LAMC3: variants seen among roughly 807,000 people sequenced by gnomAD.
The protein encoded by LAMC3 is laminin subunit gamma-3.
LAMC3 carries 128 observed loss-of-function variants against 173.8 expected under a neutral mutation model. The observed-to-expected ratio is 0.74, with a 90% confidence interval of 0.64 to 0.85. LAMC3 has a LOEUF of 0.85. Among genes scored for constraint, LAMC3 ranks in the 40% least tolerant of loss-of-function variants. The pLI, the probability that LAMC3 is intolerant of heterozygous loss-of-function variation, is 0.00. For missense variants in LAMC3, 2,022 were observed against 2,156.0 expected (o/e 0.94, Z 1.23); for synonymous variants, 897 against 909.1 (o/e 0.99, Z 0.24).
chr9:131,048,493 C>A (rs565983227), intron 8 of LAMC3, among the ~76,000 whole-genome samples: 3 of 152,112 alleles, frequency 2.0e-5, no homozygotes, highest in Non-Finnish European at 4.4e-5. Context: ...CCTCATTGCC[C>A]GCTACCCCCT....
chr9:131,078,605 G>A (rs1830176097), intron 22 of LAMC3, among the ~76,000 whole-genome samples: 1 of 152,236 alleles, frequency 6.6e-6, no homozygotes, highest in South Asian at 2.1e-4. Context: ...CACTGCGTGC[G>A]GAGAGTAATG....
Position 131,066,980 on chromosome 9 carries a change from G to C in LAMC3, c.2368G>C (p.Asp790His). 6.2e-7 allele frequency: 1 copy of C among 1,613,984 alleles called. No individual in the cohort carries two copies. The highest frequency in any genetic ancestry group is 8.5e-7 in the Non-Finnish European group (1 of 1,180,036). ...GQRGRRCEVC[D>H]DGFFGDPLGL... ...CACAGGGCGGCGCTGTGAGGTCTGT[G>C]ATGATGGCTTTTTTGGGGACCCGCT... Residue 790 changes from aspartate (D) to histidine (H), a missense_variant, in exon 14 of 28, where the codon GAT (aspartate) becomes CAT (histidine). Transcript: ENST00000361069.
chr9:131,049,673 A>G (rs1834243224), intron 9 of LAMC3, among the ~76,000 whole-genome samples: 1 of 152,116 alleles, frequency 6.6e-6, no homozygotes, highest in Non-Finnish European at 1.5e-5. Flanking sequence ...TTTTCTGGTC[A>G]TAGCTTTGTC....
chr9:131,060,891 C>A, intron 12 of LAMC3, 144 bp from the exon 13 acceptor site: 1 of 795,730 alleles, frequency 1.3e-6, no homozygotes. Context: ...CCTGGACCCT[C>A]AATCCCCAGG....
chr9:131,047,226 G>A (rs1413328137), intron 8 of LAMC3, among the ~76,000 whole-genome samples: 2 of 109,302 alleles, frequency 1.8e-5, no homozygotes, highest in Admixed American at 9.1e-5. Flanking sequence ...GTGCAATGGC[G>A]TGATCTCAGC....
At chr9:131,049,268 C>T (rs1233307705) in intron 9 of LAMC3, 138 bp downstream of exon 9, 10 of 696,400 alleles carry the variant, frequency 1.4e-5, no homozygotes, top group Non-Finnish European at 2.7e-5. Context: ...ATAGGTCTCT[C>T]GGAGCTAACA....
chr9:131,078,940 A>G (rs1270252005), intron 22 of LAMC3, among the ~76,000 whole-genome samples: 2 of 152,278 alleles, frequency 1.3e-5, no homozygotes, highest in African/African-American at 4.8e-5. Flanking sequence ...GGTCCACACA[A>G]AGCCTGACCC....
rs201283727 is a variant in LAMC3, at chr9:131,061,204, C to G, written c.2328C>G (p.His776Gln). The change falls in exon 13 of 28, where the codon CAC becomes CAG. Residue 776 changes from histidine to glutamine, a missense_variant. His to Gln is a conservative substitution (Grantham distance 24). Transcript: ENST00000361069. Reference sequence around the variant, plus strand: ...AGAGCCGGGAGGTGGTGTGTACCCACTGCCCCCCGGGCCAGAGAGGTAAGT... The same window carrying G: ...AGAGCCGGGAGGTGGTGTGTACCCAGTGCCCCCCGGGCCAGAGAGGTAAGT... ...IPESREVVCT[H>Q]CPPGQRGRRC... The G allele has an allele frequency of 6.2e-7, 1 of 1,608,562 alleles. No individual in the cohort carries two copies. The highest frequency in any genetic ancestry group is 1.3e-5 in the African/African-American group (1 of 75,050).
intron 18 of LAMC3, 139 bp downstream of exon 18, chr9:131,071,764 T>C: frequency 1.3e-6 from 1 of 772,376 alleles, no homozygotes; most frequent in Non-Finnish European, 2.0e-6. Context: ...AGCCCACCTG[T>C]AACTTTATTA....
intron 13 of LAMC3, among the ~76,000 whole-genome samples, chr9:131,063,041 A>G (rs964257424): frequency 6.6e-6 from 1 of 152,160 alleles, no homozygotes; most frequent in African/African-American, 2.4e-5. Flanking sequence ...ATGCAGTGTA[A>G]TGTTTTTAAG....
At chr9:131,068,368 A>G in intron 15 of LAMC3, 137 bp downstream of exon 15, 1 of 842,138 alleles carries the variant, frequency 1.2e-6, no homozygotes, top group East Asian at 2.7e-5. Context: ...CCTTTGCCGA[A>G]GGGGAGCAAA....
intron 23 of LAMC3, 44 bp from the exon 24 acceptor site, chr9:131,082,015 C>T (rs764894419): frequency 6.6e-7 from 1 of 1,504,806 alleles, no homozygotes; most frequent in South Asian, 1.1e-5. Flanking sequence ...CTGGGCCCTG[C>T]TCCTGTGGAG....
At chr9:131,081,025 C>T (rs1321714863) in intron 23 of LAMC3, among the ~76,000 whole-genome samples, 1 of 152,236 alleles carries the variant, frequency 6.6e-6, no homozygotes, top group Non-Finnish European at 1.5e-5. Flanking sequence ...TTCTCACCAC[C>T]CCTAACTCCA....
Position 131,077,313 on chromosome 9 carries a change from G to A in LAMC3, c.3756G>A (p.Leu1252=). ...CAGATACAGCCCCGTACCTGGCCTT[G>A]CTGGCTTCCCCGGGAGCTCTGGTCA... ...VGADTAPYLA[L]LASPGALPQK... Residue 1252 remains leucine (L), a synonymous_variant, in exon 22 of 28, where the codon TTG becomes TTA. Transcript: ENST00000361069. The A allele has an allele frequency of 6.2e-7, 1 of 1,613,946 alleles. No individual in the cohort carries two copies. Among genetic ancestry groups the A allele is most frequent in the Non-Finnish European group, 8.5e-7 (1 of 1,180,042 alleles).
rs200910865 is a variant in LAMC3 at position 131,069,816 on chromosome 9, A to G, written c.3035A>G (p.Gln1012Arg). The G allele has an allele frequency of 6.3e-7, 1 of 1,594,646 alleles. No homozygotes were observed. The highest frequency in any genetic ancestry group is 2.3e-5 in the East Asian group (1 of 44,214). The change falls in exon 17 of 28, where the codon CAA (glutamine) becomes CGA (arginine). Residue 1012 changes from glutamine to arginine, a missense_variant. By Grantham distance (43) the Gln-to-Arg change is conservative. Coordinates refer to ENST00000361069, the MANE Select transcript of LAMC3 (RefSeq NM_006059.4). ...ACGGCAGACGGCACACACTGCCAGC[A>G]ATGTCCGTCCTGCTACGCCCTGGTG... ...FLTADGTHCQ[Q>R]CPSCYALVKE...
chr9:131,015,641 A>G (rs1215388588), intron 1 of LAMC3, among the ~76,000 whole-genome samples: 2 of 152,164 alleles, frequency 1.3e-5, no homozygotes, highest in African/African-American at 4.8e-5. Flanking sequence ...CCCTGTGTGC[A>G]TAGCAGCATT....
In LAMC3 at chr9:131,093,209, T is replaced by A. The variant is rs1355138764; in HGVS notation, c.*1422T>A. 1 of 152,208 alleles carries A rather than the reference T, an allele frequency of 6.6e-6. No individual in the cohort carries two copies. Among genetic ancestry groups the A allele is most frequent in the African/African-American group, 2.4e-5 (1 of 41,374 alleles). 9.4% of individuals were successfully genotyped at this position (152,208 alleles called of 1,614,324 possible). ...CCGAGCTCGTGGCTGGGCCAGTACC[T>A]CCCATTAGAGGGCTTTGCTGGGGTT... On this transcript the variant is annotated 3_prime_UTR_variant, in exon 28 of 28. Transcript: ENST00000361069.
At chr9:131,082,588 G>T (rs2133345266) in intron 24 of LAMC3, among the ~76,000 whole-genome samples, 1 of 152,332 alleles carries the variant, frequency 6.6e-6, no homozygotes, top group East Asian at 1.9e-4. Flanking sequence ...TGCCAGTCTA[G>T]TGCCCCCATT....
chr9:131,020,841 T>C (rs904377552), intron 1 of LAMC3, among the ~76,000 whole-genome samples: 20 of 152,116 alleles, frequency 1.3e-4, no homozygotes, highest in Middle Eastern at 3.4e-3. Flanking sequence ...CCTTTATTTT[T>C]CCCCCCCAAA....
Sources: allele counts gnomAD v4.1 joint callset (sites outside exome capture counted in the v4.1 genomes callset), GRCh38; gene constraint gnomAD v4.1.1; transcripts MANE v1.5; gene names NCBI Gene and HGNC (gene_info 2026-07-23, HGNC 2026-07-21).